PCSK4: variants seen among roughly 807,000 people sequenced by gnomAD.
PCSK4 encodes the protein proprotein convertase subtilisin/kexin type 4.
A neutral mutation model predicts 80.3 loss-of-function variants in PCSK4; 64 were observed. That is an observed-to-expected ratio of 0.80 (90% CI 0.65 to 0.98). The LOEUF (loss-of-function observed/expected upper bound fraction) is 0.98, where lower values mean the gene tolerates loss of function less well. Among genes scored for constraint, PCSK4 ranks in the 50% least tolerant of loss-of-function variants. The probability of loss-of-function intolerance (pLI) is 0.00; values close to 1 mark genes in which losing one functional copy is unlikely to be tolerated. For synonymous variants in PCSK4, 561 were observed against 487.6 expected, an observed-to-expected ratio of 1.15 and a Z score of -1.98; for missense variants, 1,213 against 1,093.6, an observed-to-expected ratio of 1.11 and a Z score of -1.54.
At position 1,483,639 on chromosome 19, in the gene PCSK4, AG is replaced by A. The variant is rs758230168; in HGVS notation, c.1391+10del. On this transcript the variant is annotated intron_variant, in intron 11 of 14. Coordinates refer to ENST00000300954, the Ensembl canonical transcript of PCSK4. The stretch of plus-strand genomic sequence containing the variant: ...CAGCGGGGATAGCGGAGGGGCGCGC[AG>A]GGGTCTCACGTGGGGCGGCTCTGGA... 1 of 1,568,976 alleles carries A rather than the reference AG, an allele frequency of 6.4e-7. No individual in the cohort carries two copies. The highest frequency in any genetic ancestry group is 8.6e-7 in the Non-Finnish European group (1 of 1,159,986).
chr19:1,489,626 G>A, intron 2 of PCSK4, 167 bp downstream of exon 2: 1 of 1,245,760 alleles, frequency 8.0e-7, no homozygotes, highest in Non-Finnish European at 1.1e-6. Context: ...TTCCGTATCT[G>A]GGTCTTCCTG....
At chr19:1,487,064 C>A (rs1461502256) in exon 8 of PCSK4, 2 of 1,604,694 alleles carry the variant, frequency 1.2e-6, no homozygotes, top group Non-Finnish European at 1.7e-6. Flanking sequence ...CCCGCCGCGG[C>A]CCTGGGAAAC....
intron 1 of PCSK4, 22 bp downstream of exon 1, chr19:1,490,136 C>A: frequency 6.2e-7 from 1 of 1,612,776 alleles, no homozygotes. Context: ...CCCCACTTCC[C>A]GTCTATCCCG....
At position 1,487,327 on chromosome 19, in the gene PCSK4, G is replaced by A. The variant is rs373238818; in HGVS notation, c.683-14C>T. 1.5e-4 allele frequency: 241 copies of A among 1,572,900 alleles called. No homozygotes were observed. In the African/African-American group the frequency reaches 2.7e-3, roughly 18 times the overall value. ...GCATCCGTACGCCTGCAGAGCCAGG[G>A]CGGGAGGGCCGCTGCCACCGGCCCT... is the stretch of plus-strand genomic sequence containing the variant. On this transcript the variant is annotated splice_polypyrimidine_tract_variant and intron_variant, in intron 6 of 14. Transcript: ENST00000300954.
chr19:1,487,506 A>G (rs1185772615), intron 6 of PCSK4, 97 bp downstream of exon 6: 2 of 1,133,058 alleles, frequency 1.8e-6, no homozygotes, highest in Admixed American at 4.1e-5. Context: ...CCCAGCAGTG[A>G]GAGGGTGGGC....
At chr19:1,482,310 GCCA>G in intron 14 of PCSK4, 40 bp downstream of exon 14, 1 of 1,533,264 alleles carries the variant, frequency 6.5e-7, no homozygotes, top group East Asian at 2.4e-5. Context: ...CACGGTGGCC[GCCA>G]CCGCCTCCCA....
chr19:1,483,046 G>GT, intron 12 of PCSK4, 26 bp from the exon 13 acceptor site: 1 of 1,493,290 alleles, frequency 6.7e-7, no homozygotes, highest in Non-Finnish European at 9.0e-7. Flanking sequence ...GGGTGGGGGT[G>GT]GGGGTGTCAA....
Position 1,490,366 on chromosome 19 carries a change from G to A in PCSK4, c.-20C>T, listed in dbSNP as rs1395629424. The A allele has an allele frequency of 1.0e-6, 1 of 1,005,024 alleles. No homozygotes were observed. The highest frequency in any genetic ancestry group is 1.4e-6 in the Non-Finnish European group (1 of 711,246). The allele number at this position is 1,005,024 out of a possible 1,614,324, so 62.3% of individuals were successfully genotyped here. The stretch of plus-strand genomic sequence containing the variant: ...CCGCATGGAGGCGGGGCGGGAGCGG[G>A]GCCTGCGCAAATCCCCTCCCTCCCG... On this transcript the variant is annotated 5_prime_UTR_variant, in exon 1 of 15. Transcript: ENST00000300954.
Position 1,486,840 on chromosome 19 carries a change from C to A in PCSK4, c.1068+13G>T. On this transcript the variant is annotated intron_variant, in intron 8 of 14. Transcript: ENST00000300954. ...GCCTGGGGAGGGGACCCTGTTGGGG[C>A]GGCTGCACTCACGATCTGGGGGTCG... 1 of 1,585,672 alleles carries A rather than the reference C, an allele frequency of 6.3e-7. No individual in the cohort carries two copies. The highest frequency in any genetic ancestry group is 8.5e-7 in the Non-Finnish European group (1 of 1,172,596).
intron 13 of PCSK4, 49 bp downstream of exon 13, chr19:1,482,847 G>GA (rs770969186): frequency 6.3e-7 from 1 of 1,597,358 alleles, no homozygotes; most frequent in Admixed American, 1.7e-5. Context: ...CCCCTGGGGG[G>GA]AGGTTGGAGA....
exon 6 of PCSK4, chr19:1,487,638 C>T: frequency 6.4e-7 from 1 of 1,554,580 alleles, no homozygotes; most frequent in Non-Finnish European, 8.7e-7. Context: ...CCCCACACCA[C>T]AGAAGCCATT....
chr19:1,490,402 G>A (rs963261080), exon 1 of PCSK4: 2 of 699,758 alleles, frequency 2.9e-6, no homozygotes, highest in South Asian at 2.0e-5. Flanking sequence ...CCAAACCGCC[G>A]AGTGGGCCCA....
In PCSK4 at chr19:1,481,895, A is replaced by T. The variant is rs761955841; in HGVS notation, c.2132T>A (p.Val711Glu). Reference sequence around the variant, plus strand: ...GAGGGTCACGGCCAGGAGGCTCAGCACCATGGCCGAGGCTGGGCAGCGGTG... The same window carrying T: ...GAGGGTCACGGCCAGGAGGCTCAGCTCCATGGCCGAGGCTGGGCAGCGGTG... Residue 711 changes from valine (V) to glutamate (E), a missense_variant, in exon 15 of 15, where the codon GTG (valine) becomes GAG (glutamate). Coordinates refer to ENST00000300954, the Ensembl canonical transcript of PCSK4. The T allele has an allele frequency of 2.5e-6, 4 of 1,595,192 alleles. No individual in the cohort carries two copies. The South Asian group carries it at 4.5e-5, about 18-fold the overall frequency.
intron 2 of PCSK4, among the ~76,000 whole-genome samples, chr19:1,489,257 G>C (rs528509547): frequency 3.3e-5 from 5 of 151,082 alleles, no homozygotes; most frequent in Admixed American, 6.6e-5. Flanking sequence ...TAAGCCTCCT[G>C]AATAGCTGGG....
intron 13 of PCSK4, 148 bp downstream of exon 13, chr19:1,482,748 G>A (rs1041088642): frequency 9.3e-6 from 8 of 862,264 alleles, no homozygotes; most frequent in Non-Finnish European, 1.4e-5. Flanking sequence ...CATCTCCCGG[G>A]TGACTGCACG....
At chr19:1,490,163 C>A (rs747761889) in exon 1 of PCSK4, 2 of 1,613,594 alleles carry the variant, frequency 1.2e-6, no homozygotes, top group Non-Finnish European at 1.7e-6. Context: ...CCCACCGGCC[C>A]CAGGTTGACG....
At chr19:1,487,414 G>T in intron 6 of PCSK4, 101 bp from the exon 7 acceptor site, 1 of 1,093,198 alleles carries the variant, frequency 9.1e-7, no homozygotes, top group Non-Finnish European at 1.3e-6. Flanking sequence ...CCCTACCTGG[G>T]CCCTCTCTCT....
rs374866653 is a variant in PCSK4 at position 1,487,828 on chromosome 19, C to T, written c.550G>A (p.Asp184Asn). ...GTGTAGCGGGGCTGGGGGTCCGGGT[C>T]GTAGTCATTGAAGTCATAGCTGGCC... Residue 184 changes from aspartate (D) to asparagine (N), a missense_variant, in exon 5 of 15, where the codon GAC becomes AAC. Transcript: ENST00000300954. The T allele has an allele frequency of 4.0e-5, 62 of 1,567,772 alleles. No homozygotes were observed. The highest frequency in any genetic ancestry group is 1.2e-4 in the African/African-American group (9 of 73,414).
At chr19:1,487,512 T>G (rs1599236722) in intron 6 of PCSK4, 91 bp downstream of exon 6, 1 of 1,181,988 alleles carries the variant, frequency 8.5e-7, no homozygotes, top group Non-Finnish European at 1.2e-6. Context: ...AGTGAGAGGG[T>G]GGGCTCCCGA....
Sources: gnomAD v4.1 joint callset for allele counts (sites outside exome capture counted in the v4.1 genomes callset) on GRCh38, gnomAD v4.1.1 for gene constraint, MANE v1.5 for transcripts, NCBI Gene and HGNC (gene_info 2026-07-23, HGNC 2026-07-21) for gene names.